GRIA4: variants seen among roughly 807,000 people sequenced by gnomAD.
The protein encoded by GRIA4 is glutamate receptor 4.
GRIA4 carries 34 observed loss-of-function variants against 104.0 expected under a neutral mutation model. The observed-to-expected ratio is 0.33, with a 90% confidence interval of 0.25 to 0.44. The LOEUF is 0.44. Among genes scored for constraint, GRIA4 ranks in the 20% least tolerant of loss-of-function variants. The pLI, the probability that GRIA4 is intolerant of heterozygous loss-of-function variation, is 1.00. For missense variants in GRIA4, 750 were observed against 1,096.5 expected, an observed-to-expected ratio of 0.68 and a Z score of 4.46; for synonymous variants, 386 against 381.9, an observed-to-expected ratio of 1.01 and a Z score of -0.13.
chr11:105,784,074 T>G (rs986269125), intron 4 of GRIA4, among the ~76,000 whole-genome samples: 3 of 152,124 alleles, frequency 2.0e-5, no homozygotes, highest in Non-Finnish European at 2.9e-5. Flanking sequence ...GCCTCACAAG[T>G]AAATGGAGAC....
intron 3 of GRIA4, among the ~76,000 whole-genome samples, chr11:105,747,301 T>A (rs539424075): frequency 6.6e-6 from 1 of 152,288 alleles, no homozygotes; most frequent in South Asian, 2.1e-4. Context: ...TAGTTCACAA[T>A]TCAAAATTAC....
intron 3 of GRIA4, among the ~76,000 whole-genome samples, chr11:105,702,823 T>C (rs1953551563): frequency 6.6e-6 from 1 of 151,078 alleles, no homozygotes; most frequent in African/African-American, 2.4e-5. Context: ...GCCTCCCATG[T>C]AGCTGGGATT....
At chr11:105,822,111 G>T (rs984450541) in intron 4 of GRIA4, among the ~76,000 whole-genome samples, 1 of 152,082 alleles carries the variant, frequency 6.6e-6, no homozygotes, top group African/African-American at 2.4e-5. Context: ...TAGACGTAGG[G>T]TTATTTAAAC....
chr11:105,730,502 T>C (rs575490728), intron 3 of GRIA4, among the ~76,000 whole-genome samples: 1 of 152,208 alleles, frequency 6.6e-6, no homozygotes, highest in Non-Finnish European at 1.5e-5. Flanking sequence ...ACCCTTGACT[T>C]TCCTCAAAGA....
intron 16 of GRIA4, among the ~76,000 whole-genome samples, chr11:105,979,123 T>C (rs1859143361): frequency 6.6e-6 from 1 of 152,242 alleles, no homozygotes; most frequent in African/African-American, 2.4e-5. Context: ...AGATCTGTCA[T>C]GAATAGTCTA....
chr11:105,896,377 C>A (rs780595216), intron 6 of GRIA4, among the ~76,000 whole-genome samples: 3 of 152,064 alleles, frequency 2.0e-5, no homozygotes, highest in Admixed American at 6.6e-5. Context: ...TGTAGGCTGG[C>A]TATTTACTCT....
intron 7 of GRIA4, among the ~76,000 whole-genome samples, chr11:105,899,266 C>T (rs1342868166): frequency 6.6e-6 from 1 of 152,196 alleles, no homozygotes; most frequent in Non-Finnish European, 1.5e-5. Flanking sequence ...AGCATACCAT[C>T]TTCACTGCCT....
At chr11:105,654,425 T>G (rs1459592884) in intron 3 of GRIA4, among the ~76,000 whole-genome samples, 4 of 152,080 alleles carry the variant, frequency 2.6e-5, no homozygotes, top group Non-Finnish European at 5.9e-5. Context: ...AATTTATAAT[T>G]TAAAAAATAA....
At chr11:105,704,228 A>G (rs1953611327) in intron 3 of GRIA4, among the ~76,000 whole-genome samples, 2 of 152,060 alleles carry the variant, frequency 1.3e-5, no homozygotes, top group East Asian at 3.9e-4. Context: ...AAGTGCTAAG[A>G]AGAAGTATAG....
chr11:105,740,400 C>G (rs1483149017), intron 3 of GRIA4, among the ~76,000 whole-genome samples: 2 of 152,322 alleles, frequency 1.3e-5, no homozygotes, highest in Admixed American at 1.3e-4. Context: ...ATTCCACACT[C>G]TCTCATTCTC....
chr11:105,612,722 T>C (rs2135242382), intron 3 of GRIA4: 1 of 289,046 alleles, frequency 3.5e-6, no homozygotes, highest in Non-Finnish European at 6.4e-6. Flanking sequence ...AAGTTAAATT[T>C]TCCTTTAACA....
At chr11:105,918,400 A>G (rs927950666) in intron 10 of GRIA4, among the ~76,000 whole-genome samples, 10 of 152,160 alleles carry the variant, frequency 6.6e-5, no homozygotes, top group Non-Finnish European at 1.3e-4. Context: ...TTGCCAAAGA[A>G]TATAATTTAT....
intron 3 of GRIA4, among the ~76,000 whole-genome samples, chr11:105,643,399 T>C (rs182701805): frequency 5.9e-5 from 9 of 152,320 alleles, no homozygotes; most frequent in Non-Finnish European, 1.2e-4. Flanking sequence ...ATAATTGTCA[T>C]CTATCAATTG....
At chr11:105,725,469 T>G (rs544254024) in intron 3 of GRIA4, among the ~76,000 whole-genome samples, 1 of 152,222 alleles carries the variant, frequency 6.6e-6, no homozygotes, top group Non-Finnish European at 1.5e-5. Flanking sequence ...TAATACCTGA[T>G]TATAGCCATA....
At chr11:105,978,505 G>A (rs1221675002) in intron 16 of GRIA4, among the ~76,000 whole-genome samples, 1 of 151,976 alleles carries the variant, frequency 6.6e-6, no homozygotes, top group Non-Finnish European at 1.5e-5. Flanking sequence ...TAACTGATCT[G>A]TAAACATTTT....
chr11:105,922,716 A>T (rs980176710), intron 11 of GRIA4, among the ~76,000 whole-genome samples: 2 of 152,162 alleles, frequency 1.3e-5, no homozygotes. Flanking sequence ...TCCTTTTTAA[A>T]AGAAATTAAA....
At chr11:105,695,404 C>A (rs190347383) in intron 3 of GRIA4, among the ~76,000 whole-genome samples, 2 of 151,862 alleles carry the variant, frequency 1.3e-5, no homozygotes, top group Admixed American at 1.3e-4. Flanking sequence ...TGTTGAGCTA[C>A]TTATGCTTTT....
In GRIA4 at chr11:105,737,443, A is replaced by AT. The variant is rs570468875; in HGVS notation, c.248-15532dup. Reference sequence around the variant, plus strand: ...GGTTAGCTGTAAATTCTGTTCCAGGATTTTTTGCAGGGGACTTTAGTAAGG... The same window carrying AT: ...GGTTAGCTGTAAATTCTGTTCCAGGATTTTTTTGCAGGGGACTTTAGTAAGG... On this transcript the variant is annotated intron_variant, in intron 3 of 16. Coordinates refer to ENST00000282499, the MANE Select transcript of GRIA4 (RefSeq NM_000829.4). 1.1e-3 allele frequency among the ~76,000 whole-genome samples: 169 copies of AT among 152,020 alleles called. 2 individuals are homozygous for AT. Among genetic ancestry groups the AT allele is most frequent in the Middle Eastern group, 0.01 (3 of 294 alleles).
At chr11:105,846,476 T>C (rs1944601002) in intron 4 of GRIA4, among the ~76,000 whole-genome samples, 1 of 152,100 alleles carries the variant, frequency 6.6e-6, no homozygotes, top group African/African-American at 2.4e-5. Flanking sequence ...AATGAACATA[T>C]ATGTAATTAC....
Sources: allele counts gnomAD v4.1 joint callset (sites outside exome capture counted in the v4.1 genomes callset), GRCh38; gene constraint gnomAD v4.1.1; transcripts MANE v1.5; gene names NCBI Gene and HGNC (gene_info 2026-07-23, HGNC 2026-07-21).